The following ITPKB variants were observed in gnomAD, a reference collection of about 807,000 sequenced individuals.
The protein encoded by ITPKB is IP3 3-kinase B.
In ITPKB, 13 loss-of-function variants were observed where a neutral mutation model predicts 69.4. That is an observed-to-expected ratio of 0.19 (90% CI 0.12 to 0.30). The LOEUF (loss-of-function observed/expected upper bound fraction) is 0.30. Ranked by LOEUF, ITPKB falls within the 10% of genes least tolerant of loss-of-function variation. The probability of loss-of-function intolerance (pLI) is 1.00; values close to 1 mark genes in which losing one functional copy is unlikely to be tolerated. For missense variants in ITPKB, 1,240 were observed against 1,250.5 expected (o/e 0.99, Z 0.13); for synonymous variants, 584 against 513.7 (o/e 1.14, Z -1.85).
chr1:226,705,261 G>C (rs2102633236), intron 2 of ITPKB, among the ~76,000 whole-genome samples: 1 of 152,270 alleles, frequency 6.6e-6, no homozygotes, highest in Admixed American at 6.5e-5. Context: ...CAGGCACAGT[G>C]GCTCACACCT....
In ITPKB at chr1:226,679,127, C is replaced by G. The variant is rs116083970; in HGVS notation, c.1933-30356G>C. 9.4e-3 allele frequency among the ~76,000 whole-genome samples: 1,425 copies of G among 152,312 alleles called. 17 individuals are homozygous for G. The highest frequency in any genetic ancestry group is 0.015 in the Non-Finnish European group (1,042 of 68,034). ...AGCTCCCTGCCTCCCAGTATCTCTT[C>G]CTGCAGGTGTTTTGTTCCAATGGCT... On this transcript the variant is annotated intron_variant, in intron 2 of 7. Transcript: ENST00000429204.
At chr1:226,635,483 C>T (rs115981659) in intron 7 of ITPKB, among the ~76,000 whole-genome samples, 1,570 of 152,252 alleles carry the variant, frequency 0.01, 26 homozygotes, top group African/African-American at 0.032. Flanking sequence ...GCCTTGGCCT[C>T]GGAAAGTGCT....
At chr1:226,647,511 C>A in intron 3 of ITPKB, 131 bp from the exon 4 acceptor site, 1 of 669,236 alleles carries the variant, frequency 1.5e-6, no homozygotes, top group Non-Finnish European at 2.7e-6. Flanking sequence ...TATGTCCCTG[C>A]TATGGACTGA....
rs567950808 is a variant in ITPKB at position 226,637,120 on chromosome 1, C to G, written c.2625+559G>C. Among the ~76,000 whole-genome samples the G allele has an allele frequency of 6.6e-6, 1 of 152,086 alleles. No individual in the cohort carries two copies. Among genetic ancestry groups the G allele is most frequent in the Non-Finnish European group, 1.5e-5 (1 of 67,992 alleles). ...TGTGTCATGTGGCTGGGGACCTGGA[C>G]TCCCCATGTCAGGGTCTCACACCCC... On this transcript the variant is annotated intron_variant, in intron 7 of 7. Coordinates refer to ENST00000429204, the MANE Select transcript of ITPKB (RefSeq NM_002221.4). The surrounding 1 kb of genome is among the most constrained non-coding windows in gnomAD (Gnocchi z 4.3).
intron 2 of ITPKB, among the ~76,000 whole-genome samples, chr1:226,692,813 A>G (rs942185875): frequency 2.0e-5 from 3 of 152,224 alleles, no homozygotes; most frequent in Non-Finnish European, 2.9e-5. Context: ...GAACATACCA[A>G]CTTCTTTAAA....
chr1:226,719,625 T>C (rs1028134233), intron 2 of ITPKB, among the ~76,000 whole-genome samples: 3 of 152,234 alleles, frequency 2.0e-5, no homozygotes, highest in Admixed American at 6.5e-5. Context: ...CTCAACTCGA[T>C]TGCATTCAAT....
chr1:226,667,069 CA>C (rs1298068451), intron 2 of ITPKB, among the ~76,000 whole-genome samples: 1 of 152,178 alleles, frequency 6.6e-6, no homozygotes, highest in African/African-American at 2.4e-5. Context: ...TTACCATGCG[CA>C]ATTATCACCT....
rs3831353 is a variant in ITPKB at position 226,636,752 on chromosome 1, CTGTGTGTGTGTGTGTGTGTG to C, written c.2625+907_2625+926del. Among the ~76,000 whole-genome samples, 15 of 140,092 alleles carry C rather than the reference CTGTGTGTGTGTGTGTGTGTG, an allele frequency of 1.1e-4. No homozygotes were observed. The East Asian group carries it at 2.6e-3, about 24-fold the overall frequency. 91.9% of individuals were successfully genotyped at this position (140,092 alleles called of 152,430 possible). A position where few individuals can be genotyped will look rare whatever the true frequency, so the allele number is the denominator to read the frequency against. On this transcript the variant is annotated intron_variant, in intron 7 of 7. Coordinates refer to ENST00000429204, the MANE Select transcript of ITPKB (RefSeq NM_002221.4). ...ATTAGCCAGCCCCAGGACTGCAGCT[CTGTGTGTGTGTGTGTGTGTG>C]TGTGTGTGTGTGTGTGTGTGTGAGA...
chr1:226,646,754 C>G (rs1480977377), intron 4 of ITPKB, among the ~76,000 whole-genome samples: 3 of 152,178 alleles, frequency 2.0e-5, no homozygotes, highest in African/African-American at 7.2e-5. Context: ...AATGGAAAGA[C>G]CTCGATTCCC....
At chr1:226,732,485 G>A (rs768681123) in intron 2 of ITPKB, among the ~76,000 whole-genome samples, 3 of 151,538 alleles carry the variant, frequency 2.0e-5, no homozygotes, top group Non-Finnish European at 4.4e-5. Flanking sequence ...TGATCCACCC[G>A]CCTTGGCCTC....
intron 7 of ITPKB, among the ~76,000 whole-genome samples, chr1:226,635,327 C>T (rs1318080803): frequency 6.6e-6 from 1 of 152,146 alleles, no homozygotes; most frequent in East Asian, 1.9e-4. Flanking sequence ...CTCAAGCGAT[C>T]CTCCCACCAC....
chr1:226,667,851 T>C (rs1009104251), intron 2 of ITPKB, among the ~76,000 whole-genome samples: 4 of 151,090 alleles, frequency 2.6e-5, no homozygotes, highest in Admixed American at 6.6e-5. Flanking sequence ...TGTGTGTGTG[T>C]GTGCGCGCGC....
intron 2 of ITPKB, among the ~76,000 whole-genome samples, chr1:226,655,382 C>T (rs899703771): frequency 7.2e-5 from 11 of 152,046 alleles, no homozygotes; most frequent in African/African-American, 1.9e-4. Flanking sequence ...GGAAATGGCC[C>T]CCGTTAGGAG....
At position 226,679,063 on chromosome 1, in the gene ITPKB, C is replaced by T. The variant is rs3754396; in HGVS notation, c.1933-30292G>A. Among the ~76,000 whole-genome samples the T allele has an allele frequency of 5.3e-5, 8 of 152,324 alleles. No individual in the cohort carries two copies. In the East Asian group the frequency reaches 1.3e-3, roughly 26 times the overall value. ...TGGGGTCAACTTGTGCAGAGACTGG[C>T]GCTCATATCCCAAAGAACTGGGTGC... is the stretch of plus-strand genomic sequence containing the variant. On this transcript the variant is annotated intron_variant, in intron 2 of 7. Coordinates refer to ENST00000429204, the MANE Select transcript of ITPKB (RefSeq NM_002221.4).
chr1:226,701,559 G>A (rs1346455708), intron 2 of ITPKB, among the ~76,000 whole-genome samples: 1 of 130,392 alleles, frequency 7.7e-6, no homozygotes, highest in Non-Finnish European at 1.5e-5. Context: ...AGCCGGGATA[G>A]CGCCACTGCA....
At chr1:226,705,752 T>C (rs1402044419) in intron 2 of ITPKB, among the ~76,000 whole-genome samples, 1 of 152,194 alleles carries the variant, frequency 6.6e-6, no homozygotes, top group Non-Finnish European at 1.5e-5. Context: ...CCTCTCCAGC[T>C]ATATCAACTT....
At chr1:226,674,059 C>CG (rs1366497656) in intron 2 of ITPKB, among the ~76,000 whole-genome samples, 1 of 152,098 alleles carries the variant, frequency 6.6e-6, no homozygotes, top group Non-Finnish European at 1.5e-5. Context: ...CCACTAACTC[C>CG]GGGGTGATCA....
At chr1:226,662,093 C>T (rs1232299544) in intron 2 of ITPKB, among the ~76,000 whole-genome samples, 3 of 152,116 alleles carry the variant, frequency 2.0e-5, no homozygotes, top group African/African-American at 7.2e-5. Context: ...CCACTAGAGG[C>T]TCTCGTGTTT....
intron 6 of ITPKB, among the ~76,000 whole-genome samples, chr1:226,638,616 G>T (rs1207858803): frequency 6.6e-6 from 1 of 152,134 alleles, no homozygotes; most frequent in Non-Finnish European, 1.5e-5. Context: ...GTCCCTGTGG[G>T]CAGAGCATCT....
Sources: gnomAD v4.1 joint callset for allele counts (sites outside exome capture counted in the v4.1 genomes callset) on GRCh38, gnomAD v4.1.1 for gene constraint, Gnocchi (gnomAD v3.1) non-coding constraint, MANE v1.5 for transcripts, NCBI Gene and HGNC (gene_info 2026-07-23, HGNC 2026-07-21) for gene names.